The following TENM4 variants were observed in gnomAD, a reference collection of about 807,000 sequenced individuals.
TENM4 encodes teneurin-4.
Under a neutral mutation model 243.3 loss-of-function variants are expected in TENM4, and 82 were observed. That is an observed-to-expected ratio of 0.34 (90% CI 0.28 to 0.40). The LOEUF (loss-of-function observed/expected upper bound fraction) is 0.40. Ranked by LOEUF, TENM4 falls within the 10% of genes least tolerant of loss-of-function variation. The pLI, the probability that TENM4 is intolerant of heterozygous loss-of-function variation, is 1.00. For missense variants in TENM4, 3,138 were observed against 3,673.3 expected (o/e 0.85, Z 3.77); for synonymous variants, 1,412 against 1,456.3 (o/e 0.97, Z 0.69).
intron 9 of TENM4, among the ~76,000 whole-genome samples, chr11:78,866,395 G>A (rs1236220561): frequency 6.9e-6 from 1 of 144,076 alleles, no homozygotes; most frequent in Non-Finnish European, 1.5e-5. Context: ...GCTTTGTGAA[G>A]AGAAACATTT....
chr11:79,169,574 C>G (rs1338236485), intron 3 of TENM4, among the ~76,000 whole-genome samples: 1 of 152,278 alleles, frequency 6.6e-6, no homozygotes, highest in East Asian at 1.9e-4. Context: ...TCTGGTCATG[C>G]TCAGGCTCTT....
Position 78,669,420 on chromosome 11 carries a change from G to GGTGGCT in TENM4, c.6919_6924dup (p.Ser2307_His2308dup), listed in dbSNP as rs759075393. 6.2e-7 allele frequency: 1 copy of GGTGGCT among 1,613,222 alleles called. No individual in the cohort carries two copies. Among genetic ancestry groups the GGTGGCT allele is most frequent in the Non-Finnish European group, 8.5e-7 (1 of 1,179,372 alleles). On this transcript the variant is annotated inframe_insertion, in exon 32 of 34. Transcript: ENST00000278550. The surrounding 1 kb of genome is among the most constrained non-coding windows in gnomAD (Gnocchi z 6.4). ...AGGTCTGCATAGAAGAACTGCAGGTGGTGGCTGTGGCTGCTCTTGCTGGAC... is the reference window on the plus strand; with the variant it reads ...AGGTCTGCATAGAAGAACTGCAGGTGGTGGCTGTGGCTGTGGCTGCTCTTGCTGGAC...
At chr11:78,746,610 C>A (rs547841232) in intron 19 of TENM4, among the ~76,000 whole-genome samples, 2 of 152,368 alleles carry the variant, frequency 1.3e-5, no homozygotes, top group South Asian at 4.1e-4. Flanking sequence ...TTCCAGGGAA[C>A]TGAGCCCATC....
intron 18 of TENM4, among the ~76,000 whole-genome samples, chr11:78,760,075 C>T (rs567928208): frequency 6.6e-6 from 1 of 152,324 alleles, no homozygotes; most frequent in South Asian, 2.1e-4. Flanking sequence ...CGTCCCCTGA[C>T]CCCCATACTC....
Position 79,401,043 on chromosome 11 carries a change from C to A in TENM4, c.-321+39466G>T, listed in dbSNP as rs561313305. On this transcript the variant is annotated intron_variant, in intron 1 of 33. Coordinates refer to ENST00000278550, the MANE Select transcript of TENM4 (RefSeq NM_001098816.3). ...TTACTAAAAAACAGAAAAATTCAAA[C>A]TACCGAGTGAAAAATCAGTGGTACA... 2.0e-5 allele frequency among the ~76,000 whole-genome samples: 3 copies of A among 152,290 alleles called. 1 individual carries two copies. Among genetic ancestry groups the A allele is most frequent in the African/African-American group, 4.8e-5 (2 of 41,562 alleles).
chr11:79,436,792 C>G (rs570983256), intron 1 of TENM4, among the ~76,000 whole-genome samples: 180 of 152,322 alleles, frequency 1.2e-3, no homozygotes, highest in Middle Eastern at 3.4e-3. Context: ...AAGATGAGAG[C>G]AGAGGAAGAA....
chr11:78,710,258 C>G (rs1590957921), intron 26 of TENM4, among the ~76,000 whole-genome samples: 1 of 152,270 alleles, frequency 6.6e-6, no homozygotes, highest in East Asian at 1.9e-4. Context: ...AGTAACTAGC[C>G]CTCAATAATT....
chr11:79,141,102 C>T (rs1862277452), intron 4 of TENM4, among the ~76,000 whole-genome samples: 1 of 152,108 alleles, frequency 6.6e-6, no homozygotes, highest in African/African-American at 2.4e-5. Context: ...CAGCAGGAGA[C>T]CTAGAGACTT....
At chr11:79,061,727 C>G (rs1019946197) in intron 6 of TENM4, among the ~76,000 whole-genome samples, 1 of 152,162 alleles carries the variant, frequency 6.6e-6, no homozygotes, top group East Asian at 1.9e-4. Flanking sequence ...ACAGAGGGAA[C>G]TCACTGTAAC....
At chr11:78,813,080 C>T (rs900954485) in intron 13 of TENM4, among the ~76,000 whole-genome samples, 1 of 152,198 alleles carries the variant, frequency 6.6e-6, no homozygotes, top group Non-Finnish European at 1.5e-5. Context: ...GCACCACCTT[C>T]CCCTGGTCCC....
At chr11:78,873,148 T>A (rs960482249) in intron 9 of TENM4, among the ~76,000 whole-genome samples, 1 of 152,180 alleles carries the variant, frequency 6.6e-6, no homozygotes, top group Non-Finnish European at 1.5e-5. Flanking sequence ...GGGGACCATA[T>A]CATATTTTCC....
At chr11:79,120,499 G>C (rs1861719659) in intron 4 of TENM4, among the ~76,000 whole-genome samples, 1 of 152,200 alleles carries the variant, frequency 6.6e-6, no homozygotes, top group African/African-American at 2.4e-5. Context: ...TTTCTAACTA[G>C]GGACACATTG....
chr11:79,197,775 T>C (rs1376772395), intron 3 of TENM4, among the ~76,000 whole-genome samples: 1 of 152,216 alleles, frequency 6.6e-6, no homozygotes, highest in Non-Finnish European at 1.5e-5. Context: ...AAACCTGGCT[T>C]TCTCTCCTCC....
chr11:79,101,628 G>A (rs79174789), intron 4 of TENM4, among the ~76,000 whole-genome samples: 1,776 of 152,330 alleles, frequency 0.012, 16 homozygotes, highest in Middle Eastern at 0.027. Flanking sequence ...ATGATGCTCT[G>A]CGCCTCACTT....
intron 26 of TENM4, among the ~76,000 whole-genome samples, chr11:78,708,756 C>T (rs1041979874): frequency 6.6e-6 from 1 of 152,136 alleles, no homozygotes; most frequent in African/African-American, 2.4e-5. Context: ...CACCTTGCTG[C>T]CTCCTGAGAT....
At chr11:79,111,096 C>T (rs1861493737) in intron 4 of TENM4, among the ~76,000 whole-genome samples, 1 of 152,148 alleles carries the variant, frequency 6.6e-6, no homozygotes, top group Admixed American at 6.5e-5. Context: ...GTTCTCATGG[C>T]AGTGAGTAAG....
Position 78,670,536 on chromosome 11 carries a change from G to A in TENM4, c.5809C>T (p.Leu1937=), listed in dbSNP as rs192931562. 3 of 1,607,644 alleles carry A rather than the reference G, an allele frequency of 1.9e-6. No homozygotes were observed. The highest frequency in any genetic ancestry group is 2.5e-6 in the Non-Finnish European group (3 of 1,176,820). The part of the protein sequence containing the change: ...TYLEKSMVLL[L]HSQRQYIFEF... ...AAGATATACTGCCTCTGGCTGTGTA[G>A]TAGCAGCACCATGGACTGGAGGGAG... Residue 1937 remains leucine (L), a synonymous_variant, in exon 32 of 34, where the codon CTA becomes TTA. Coordinates refer to ENST00000278550, the MANE Select transcript of TENM4 (RefSeq NM_001098816.3).
chr11:79,325,674 G>C (rs767872564), intron 1 of TENM4, among the ~76,000 whole-genome samples: 1 of 152,208 alleles, frequency 6.6e-6, no homozygotes, highest in African/African-American at 2.4e-5. Context: ...CTCACTGTAG[G>C]AAAGTACCCA....
chr11:79,013,514 G>A (rs1408175744), intron 6 of TENM4, among the ~76,000 whole-genome samples: 1 of 152,178 alleles, frequency 6.6e-6, no homozygotes, highest in African/African-American at 2.4e-5. Context: ...CCTCATGGGT[G>A]CAGGCCTGGC....
Sources: gnomAD v4.1 joint callset for allele counts (sites outside exome capture counted in the v4.1 genomes callset) on GRCh38, gnomAD v4.1.1 for gene constraint, Gnocchi (gnomAD v3.1) non-coding constraint, MANE v1.5 for transcripts, NCBI Gene and HGNC (gene_info 2026-07-23, HGNC 2026-07-21) for gene names.